The following EVC variants were observed in gnomAD, a reference collection of about 807,000 sequenced individuals.
EVC encodes EvC ciliary complex subunit 1.
Under a neutral mutation model 118.9 loss-of-function variants are expected in EVC, and 116 were observed. The observed-to-expected ratio is 0.98, with a 90% CI of 0.84 to 1.14. The LOEUF is 1.14. Ranked by LOEUF, EVC falls within the 50% of genes most tolerant of loss-of-function variation. The pLI is 0.00. For missense variants in EVC, 1,401 were observed against 1,246.4 expected (o/e 1.12, Z -1.87); for synonymous variants, 619 against 534.7 (o/e 1.16, Z -2.18).
At chr4:5,728,837 A>G (rs1326752134) in intron 2 of EVC, among the ~76,000 whole-genome samples, 1 of 152,240 alleles carries the variant, frequency 6.6e-6, no homozygotes, top group Non-Finnish European at 1.5e-5. Flanking sequence ...AATTAGTCTT[A>G]AGTTATTCAA....
chr4:5,828,453 C>T, the EVC span: 1 of 1,601,982 alleles, frequency 6.2e-7, no homozygotes, highest in Non-Finnish European at 8.5e-7. Context: ...GGCTCTGGTC[C>T]CACGGGTGGG....
chr4:5,783,376 G>T (rs529945675), intron 11 of EVC, among the ~76,000 whole-genome samples, 176 bp from the exon 12 acceptor site: 44 of 150,346 alleles, frequency 2.9e-4, no homozygotes, highest in South Asian at 1.7e-3. Flanking sequence ...TGTGCATGTG[G>T]GGGAGTTACT....
At chr4:5,786,827 A>C (rs923691389) in intron 12 of EVC, among the ~76,000 whole-genome samples, 2 of 150,022 alleles carry the variant, frequency 1.3e-5, no homozygotes, top group Non-Finnish European at 3.0e-5. Context: ...AGCCGAGATC[A>C]CGCCACTGAA....
intron 11 of EVC, among the ~76,000 whole-genome samples, chr4:5,774,789 C>T (rs1379135737): frequency 6.6e-6 from 1 of 152,122 alleles, no homozygotes; most frequent in Non-Finnish European, 1.5e-5. Flanking sequence ...TCCACTGTGT[C>T]CTGACCCCTT....
intron 12 of EVC, among the ~76,000 whole-genome samples, chr4:5,791,256 A>G (rs1176441647): frequency 6.6e-6 from 1 of 152,224 alleles, no homozygotes; most frequent in East Asian, 1.9e-4. Context: ...AAGAGATGGA[A>G]AATATAGAAG....
chr4:5,792,009 A>T (rs778259527), intron 12 of EVC, among the ~76,000 whole-genome samples: 1 of 152,224 alleles, frequency 6.6e-6, no homozygotes, highest in South Asian at 2.1e-4. Flanking sequence ...GCATTGACAG[A>T]GTAAAATAAC....
In EVC at chr4:5,793,970, C is replaced by T. The variant is rs13103000; in HGVS notation, c.1886+253C>T. Among the ~76,000 whole-genome samples, 93,167 of 151,614 alleles carry T rather than the reference C, an allele frequency of 0.61. 28,715 individuals are homozygous for T. Among genetic ancestry groups the T allele is most frequent in the South Asian group, 0.68 (3,258 of 4,814 alleles). On this transcript the variant is annotated intron_variant, in intron 13 of 20. Transcript: ENST00000264956. ...GTATAGTTTACATACATTTATTTTA[C>T]GAGTACAATTCAGTGATTGTTAGTA...
chr4:5,725,748 G>A (rs1469860290), intron 2 of EVC, among the ~76,000 whole-genome samples: 1 of 152,184 alleles, frequency 6.6e-6, no homozygotes, highest in East Asian at 1.9e-4. Context: ...TTTTGCTTTT[G>A]TTGCGGTTGT....
intron 5 of EVC, among the ~76,000 whole-genome samples, chr4:5,736,247 T>G (rs1727657963): frequency 6.6e-6 from 1 of 152,046 alleles, no homozygotes; most frequent in Non-Finnish European, 1.5e-5. Context: ...TGCACTTACG[T>G]GAATCTATAC....
intron 11 of EVC, among the ~76,000 whole-genome samples, chr4:5,773,387 C>G (rs532668157): frequency 6.6e-6 from 1 of 152,122 alleles, no homozygotes; most frequent in African/African-American, 2.4e-5. Flanking sequence ...CCATCTTCCC[C>G]CTAAGACCTG....
chr4:5,790,771 A>G (rs957407747), intron 12 of EVC, among the ~76,000 whole-genome samples: 1 of 152,176 alleles, frequency 6.6e-6, no homozygotes, highest in African/African-American at 2.4e-5. Context: ...AAAACAAGAC[A>G]CTGAAAAAAT....
the EVC span, chr4:5,824,778 A>G: frequency 1.0e-6 from 1 of 983,008 alleles, no homozygotes; most frequent in Non-Finnish European, 1.2e-6. Context: ...TGTGCAACCC[A>G]TGCAACGCCT....
chr4:5,801,833 G>A, intron 15 of EVC, 117 bp from the exon 16 acceptor site: 3 of 1,145,040 alleles, frequency 2.6e-6, no homozygotes, highest in Non-Finnish European at 1.3e-6. Context: ...ACCAATCCAG[G>A]TTGGTGAGTA....
At position 5,731,326 on chromosome 4, in the gene EVC, C is replaced by T. The variant is rs1726776517; in HGVS notation, c.385-99C>T. On this transcript the variant is annotated intron_variant, in intron 3 of 20. Transcript: ENST00000264956. This position sits in a 1 kb window ranked among gnomAD's most constrained non-coding sequence, Gnocchi z 5.6. The stretch of plus-strand genomic sequence containing the variant: ...GCCAGTCTCCTCCAGGCAGACCTTC[C>T]TGTGAGCGGCTAGCGTGAATCACTG... The T allele has an allele frequency of 1.9e-6, 2 of 1,060,490 alleles. No homozygotes were observed. Among genetic ancestry groups the T allele is most frequent in the East Asian group, 2.4e-5 (1 of 42,336 alleles). The allele number at this position is 1,060,490 out of a possible 1,614,324, so 65.7% of individuals were successfully genotyped here.
intron 8 of EVC, among the ~76,000 whole-genome samples, chr4:5,752,482 A>G (rs1253684040): frequency 6.6e-6 from 1 of 152,148 alleles, no homozygotes; most frequent in Non-Finnish European, 1.5e-5. Flanking sequence ...CCACAGGGCC[A>G]GATTGGCCGG....
intron 12 of EVC, among the ~76,000 whole-genome samples, chr4:5,786,654 A>G (rs931520538): frequency 2.0e-5 from 3 of 152,158 alleles, no homozygotes; most frequent in African/African-American, 7.2e-5. Context: ...CGGGCGGATC[A>G]TGAGGTCAGG....
At chr4:5,821,655 C>A in the EVC span, 1 of 1,065,184 alleles carries the variant, frequency 9.4e-7, no homozygotes, top group Non-Finnish European at 1.4e-6. This position sits in a 1 kb window ranked among gnomAD's most constrained non-coding sequence, Gnocchi z 4.4. Flanking sequence ...TTCCCCCTCC[C>A]TCCATCAGCA....
chr4:5,798,979 G>T lies in EVC; in HGVS notation c.2304+187G>T, dbSNP rs936321115. ...CTTCTCCCTCGCAGAATGGGGAGGG[G>T]CAGTCGCAGCAGATCACCGGTTCTC... On this transcript the variant is annotated intron_variant, in intron 15 of 20. Transcript: ENST00000264956. The surrounding 1 kb of genome is among the most constrained non-coding windows in gnomAD (Gnocchi z 4.1). Among the ~76,000 whole-genome samples, 9 of 152,254 alleles carry T rather than the reference G, an allele frequency of 5.9e-5. No individual in the cohort carries two copies. Among genetic ancestry groups the T allele is most frequent in the East Asian group, 3.9e-4 (2 of 5,166 alleles).
rs779841092 is a variant in EVC, at chr4:5,711,242, G to A, written c.-139G>A. 181 of 450,416 alleles carry A rather than the reference G, an allele frequency of 4.0e-4. No homozygotes were observed. The highest frequency in any genetic ancestry group is 5.1e-4 in the Non-Finnish European group (173 of 340,234). 27.9% of individuals were successfully genotyped at this position (450,416 alleles called of 1,614,324 possible). A position where few individuals can be genotyped will look rare whatever the true frequency, so the allele number is the denominator to read the frequency against. ...GGGAAGGGGAGAGAAGCAGGAGTCG[G>A]GAGACTGCACAGGCCAGAAAGTCTG... On this transcript the variant is annotated 5_prime_UTR_variant, in exon 1 of 21. Transcript: ENST00000264956.
Sources: gnomAD v4.1 joint callset for allele counts (sites outside exome capture counted in the v4.1 genomes callset) on GRCh38, gnomAD v4.1.1 for gene constraint, Gnocchi (gnomAD v3.1) non-coding constraint, MANE v1.5 for transcripts, NCBI Gene and HGNC (gene_info 2026-07-23, HGNC 2026-07-21) for gene names.